TUBGCP5: variants seen among roughly 807,000 people sequenced by gnomAD.
TUBGCP5 encodes gamma-tubulin complex component 5.
A neutral mutation model predicts 134.7 loss-of-function variants in TUBGCP5; 98 were observed. The ratio of observed to expected loss-of-function variants is 0.73; its 90% CI spans 0.62 to 0.86. The LOEUF is 0.86. Ranked by LOEUF, TUBGCP5 falls within the 40% of genes least tolerant of loss-of-function variation. TUBGCP5 has a pLI of 0.00. For synonymous variants in TUBGCP5, 456 were observed against 431.4 expected (o/e 1.06, Z -0.71); for missense variants, 1,150 against 1,244.8 (o/e 0.92, Z 1.15).
intron 23 of TUBGCP5, among the ~76,000 whole-genome samples, chr15:22,986,719 C>T (rs1353131663): frequency 6.8e-6 from 1 of 147,640 alleles, no homozygotes; most frequent in African/African-American, 2.5e-5. Context: ...ACCTGGGCAA[C>T]AGAATGAGAC....
chr15:23,004,767 G>A (rs3812921), intron 19 of TUBGCP5, among the ~76,000 whole-genome samples: 27,148 of 152,010 alleles, frequency 0.18, 3,423 homozygotes, highest in East Asian at 0.5. Flanking sequence ...CAGGGGAAAC[G>A]TGGAGCCCCT....
In TUBGCP5 at chr15:23,030,878, A is replaced by G. The variant is rs140907802; in HGVS notation, c.622+7T>C. ...AGAAAATGCGAGCACCTCATAACACATAATACCTTTCCAACTGATACAAGG... is the reference window on the plus strand; with the variant it reads ...AGAAAATGCGAGCACCTCATAACACGTAATACCTTTCCAACTGATACAAGG... On this transcript the variant is annotated splice_region_variant and intron_variant, in intron 6 of 22. Coordinates refer to ENST00000615383, the MANE Select transcript of TUBGCP5 (RefSeq NM_052903.6). 2.5e-6 allele frequency: 4 copies of G among 1,609,820 alleles called. No individual in the cohort carries two copies. The highest frequency in any genetic ancestry group is 2.7e-5 in the African/African-American group (2 of 74,600).
intron 23 of TUBGCP5, among the ~76,000 whole-genome samples, chr15:22,988,771 G>T (rs530331037): frequency 9.9e-5 from 15 of 151,098 alleles, no homozygotes; most frequent in Non-Finnish European, 1.8e-4. Flanking sequence ...GTTGTTTGTT[G>T]TTTGTTTGTT....
intron 16 of TUBGCP5, 139 bp from the exon 17 acceptor site, chr15:23,006,491 C>A: frequency 1.5e-6 from 1 of 667,198 alleles, no homozygotes; most frequent in South Asian, 1.9e-5. Context: ...AACATTCCAA[C>A]AAATGTATCT....
At position 22,986,146 on chromosome 15, in the gene TUBGCP5, A is replaced by AAAAT. The variant is rs1555430358; in HGVS notation, c.*62-2539_*62-2536dup. Among the ~76,000 whole-genome samples, 113 of 142,302 alleles carry AAAAT rather than the reference A, an allele frequency of 7.9e-4. No homozygotes were observed. The East Asian group carries it at 0.013, about 16-fold the overall frequency. The allele number at this position is 142,302 out of a possible 152,430, so 93.4% of individuals were successfully genotyped here. On this transcript the variant is annotated intron_variant and NMD_transcript_variant, in intron 23 of 23. Coordinates refer to the TUBGCP5 transcript ENST00000614508. The stretch of plus-strand genomic sequence containing the variant: ...AAGACTCTGTCTCAAAAAAAAAAAA[A>AAAAT]AAATAATAATAATAATAAAATAAAA...
At chr15:23,000,994 A>G (rs996458420) in intron 21 of TUBGCP5, among the ~76,000 whole-genome samples, 1 of 152,170 alleles carries the variant, frequency 6.6e-6, no homozygotes, top group Non-Finnish European at 1.5e-5. Flanking sequence ...TCTTTGAAAT[A>G]AAGAACACAT....
At chr15:22,995,701 G>C (rs965055646), downstream of TUBGCP5, among the ~76,000 whole-genome samples, 7 of 151,980 alleles carry the variant, frequency 4.6e-5, no homozygotes, top group African/African-American at 1.7e-4. Flanking sequence ...ACAATTCAAT[G>C]AGTTTTGTCA....
chr15:23,014,371 C>T (rs1365678095), intron 13 of TUBGCP5, among the ~76,000 whole-genome samples: 10 of 152,206 alleles, frequency 6.6e-5, no homozygotes, highest in Admixed American at 5.2e-4. Context: ...CCATAGGCAG[C>T]GCCTGGGAGT....
chr15:23,022,504 G>T (rs1313266300), intron 10 of TUBGCP5, among the ~76,000 whole-genome samples: 1 of 152,176 alleles, frequency 6.6e-6, no homozygotes, highest in Non-Finnish European at 1.5e-5. Flanking sequence ...CCTCCCAATG[G>T]GCTAATGTTA....
At position 23,022,259 on chromosome 15, in the gene TUBGCP5, A is replaced by G. The variant is rs562227503; in HGVS notation, c.1169-98T>C. The G allele has an allele frequency of 1.3e-5, 17 of 1,274,672 alleles. No homozygotes were observed. The African/African-American group carries it at 2.0e-4, about 15-fold the overall frequency. The allele number at this position is 1,274,672 out of a possible 1,614,324, so 79.0% of individuals were successfully genotyped here. ...CAAATCATCAGGCTTATGGACAGGC[A>G]GGGCAAAATGGAGGACGGTGGATTT... On this transcript the variant is annotated intron_variant, in intron 10 of 22. Coordinates refer to ENST00000615383, the MANE Select transcript of TUBGCP5 (RefSeq NM_052903.6).
At position 23,003,112 on chromosome 15, in the gene TUBGCP5, C is replaced by T; in HGVS notation, c.2880G>A (p.Leu960=). 1.2e-6 allele frequency: 2 copies of T among 1,614,164 alleles called. No individual in the cohort carries two copies. Among genetic ancestry groups the T allele is most frequent in the Non-Finnish European group, 1.7e-6 (2 of 1,180,018 alleles). Reference sequence around the variant, plus strand: ...GCCAACCGTCTGCAAACATGAGAGCCAAGTTCAACACCTTCATGATAGCTT... The same window carrying T: ...GCCAACCGTCTGCAAACATGAGAGCTAAGTTCAACACCTTCATGATAGCTT... ...VKEAIMKVLN[L]ALMFADGWQA... Residue 960 remains leucine (L), a synonymous_variant, in exon 21 of 23, where the codon TTG becomes TTA. Coordinates refer to ENST00000615383, the MANE Select transcript of TUBGCP5 (RefSeq NM_052903.6).
chr15:22,986,206 T>C (rs974807334), intron 23 of TUBGCP5, among the ~76,000 whole-genome samples: 2 of 150,994 alleles, frequency 1.3e-5, no homozygotes. Flanking sequence ...AAGGATATGA[T>C]GAAATTGGAA....
intron 6 of TUBGCP5, among the ~76,000 whole-genome samples, chr15:23,027,704 G>A (rs946624553): frequency 4.6e-5 from 7 of 151,974 alleles, no homozygotes; most frequent in African/African-American, 1.5e-4. Flanking sequence ...CTGAGATCAT[G>A]CCACTACGCT....
At chr15:23,023,732 T>C (rs1287893454) in intron 10 of TUBGCP5, 1 of 444,714 alleles carries the variant, frequency 2.2e-6, no homozygotes, top group African/African-American at 2.0e-5. Context: ...GCAGGAAGAA[T>C]AATTTAGATT....
chr15:23,007,246 C>A (rs542843941), intron 16 of TUBGCP5, among the ~76,000 whole-genome samples: 1 of 152,030 alleles, frequency 6.6e-6, no homozygotes, highest in Non-Finnish European at 1.5e-5. Context: ...TATAAAAATA[C>A]AAAAAATTAG....
At chr15:23,037,240 T>C in intron 1 of TUBGCP5, 88 bp from the exon 2 acceptor site, 1 of 1,231,752 alleles carries the variant, frequency 8.1e-7, no homozygotes, top group Middle Eastern at 2.7e-4. Flanking sequence ...CCCCATATGC[T>C]CTGTACTCAG....
intron 23 of TUBGCP5, among the ~76,000 whole-genome samples, chr15:22,990,541 G>A (rs1595781939): frequency 6.6e-6 from 1 of 152,150 alleles, no homozygotes. Context: ...CTCTCCCCGA[G>A]CAGGAAACAC....
At chr15:22,995,875 G>A (rs2064051492), downstream of TUBGCP5, among the ~76,000 whole-genome samples, 1 of 152,078 alleles carries the variant, frequency 6.6e-6, no homozygotes. Flanking sequence ...TCATGTAAAT[G>A]GAATAATAAC....
chr15:23,016,261 G>A (rs1023160066), intron 13 of TUBGCP5, among the ~76,000 whole-genome samples: 1 of 152,236 alleles, frequency 6.6e-6, no homozygotes, highest in African/African-American at 2.4e-5. Flanking sequence ...GGGAGGCCAA[G>A]GCGGGCAGAT....
Sources: gnomAD v4.1 joint callset for allele counts (sites outside exome capture counted in the v4.1 genomes callset) on GRCh38, gnomAD v4.1.1 for gene constraint, MANE v1.5 for transcripts, NCBI Gene and HGNC (gene_info 2026-07-23, HGNC 2026-07-21) for gene names.